SYBU: variants seen among roughly 807,000 people sequenced by gnomAD.
The protein encoded by SYBU is syntabulin, also known as GOLSYN A protein.
Under a neutral mutation model 35.9 loss-of-function variants are expected in SYBU, and 21 were observed. That is an observed-to-expected ratio of 0.58 (90% CI 0.41 to 0.84). SYBU has a LOEUF of 0.84. Among genes scored for constraint, SYBU ranks in the 40% least tolerant of loss-of-function variants. The pLI is 0.00. For missense variants in SYBU, 768 were observed against 848.2 expected, an observed-to-expected ratio of 0.91 and a Z score of 1.17; for synonymous variants, 319 against 324.3, an observed-to-expected ratio of 0.98 and a Z score of 0.18.
rs550891870 is a variant in SYBU, at chr8:109,628,737, G to A, written c.230-9698C>T. On this transcript the variant is annotated intron_variant, in intron 2 of 6. Coordinates refer to ENST00000276646, the MANE Select transcript of SYBU (RefSeq NM_001099754.2). ...TGCAGGAGCCTGAAGTGGGAGGATT[G>A]CTCACACCCAGGAGGTCAAGGCTGC... 1.1e-3 allele frequency among the ~76,000 whole-genome samples: 167 copies of A among 152,004 alleles called. 1 individual carries two copies. The highest frequency in any genetic ancestry group is 3.9e-3 in the African/African-American group (163 of 41,420).
At chr8:109,618,697 C>T (rs1239843473) in intron 3 of SYBU, 145 bp downstream of exon 3, 3 of 751,288 alleles carry the variant, frequency 4.0e-6, no homozygotes, top group Admixed American at 2.3e-5. Context: ...GTCCACTTTC[C>T]ACCCTGCCTC....
Position 109,618,877 on chromosome 8 carries a change from T to A in SYBU, c.392A>T (p.Tyr131Phe). Residue 131 changes from tyrosine to phenylalanine, a missense_variant, in exon 3 of 7, where the codon TAT (tyrosine) becomes TTT (phenylalanine). By Grantham distance (22) the Tyr-to-Phe change is conservative. Coordinates refer to ENST00000276646, the MANE Select transcript of SYBU (RefSeq NM_001099754.2). ...VGEGSIQSSRYKKESKSGLVK... is the reference protein window; with the variant it reads ...VGEGSIQSSRFKKESKSGLVK... ...AAGGCCTGACTTTGATTCCTTCTTA[T>A]ATCGAGAGGACTGAATGCTTCCTTC... 1 of 1,614,184 alleles carries A rather than the reference T, an allele frequency of 6.2e-7. No individual in the cohort carries two copies. Among genetic ancestry groups the A allele is most frequent in the Non-Finnish European group, 8.5e-7 (1 of 1,179,996 alleles).
At chr8:109,613,485 T>C (rs1400098270) in intron 3 of SYBU, among the ~76,000 whole-genome samples, 1 of 152,192 alleles carries the variant, frequency 6.6e-6, no homozygotes, top group Non-Finnish European at 1.5e-5. Flanking sequence ...TATAAAGACT[T>C]GAACCTAGTA....
At chr8:109,644,051 CAGGA>C (rs1586929561) in intron 1 of SYBU, 2 of 455,972 alleles carry the variant, frequency 4.4e-6, no homozygotes, top group East Asian at 1.4e-4. Flanking sequence ...ACCGGCTTAC[CAGGA>C]AGGGTCACGG....
intron 4 of SYBU, among the ~76,000 whole-genome samples, chr8:109,583,975 ATT>A (rs375357215): frequency 2.8e-5 from 4 of 144,580 alleles, no homozygotes; most frequent in African/African-American, 5.0e-5. Flanking sequence ...TGCCCGGCTA[ATT>A]TTTTTTTTTT....
At chr8:109,625,604 A>G (rs1232641134) in intron 2 of SYBU, among the ~76,000 whole-genome samples, 1 of 151,950 alleles carries the variant, frequency 6.6e-6, no homozygotes, top group East Asian at 1.9e-4. Context: ...AATTTTTTTT[A>G]AGGGACAGAA....
At chr8:109,620,906 T>C (rs1812333703) in intron 2 of SYBU, among the ~76,000 whole-genome samples, 1 of 152,198 alleles carries the variant, frequency 6.6e-6, no homozygotes, top group Admixed American at 6.5e-5. Context: ...CCAGCAATTT[T>C]ACAAGGCACA....
chr8:109,679,114 C>T (rs761795205), intron 1 of SYBU, among the ~76,000 whole-genome samples: 7 of 152,148 alleles, frequency 4.6e-5, no homozygotes, highest in Non-Finnish European at 8.8e-5. Context: ...TCATTATATG[C>T]TAATTATAAT....
intron 1 of SYBU, among the ~76,000 whole-genome samples, chr8:109,653,683 A>G (rs572489411): frequency 6.6e-6 from 1 of 152,192 alleles, no homozygotes; most frequent in East Asian, 1.9e-4. Flanking sequence ...TCTCCTCCAT[A>G]CTTCAAATCT....
Position 109,667,893 on chromosome 8 carries a change from C to T in SYBU, c.-129+12818G>A, listed in dbSNP as rs1253589956. 2.0e-5 allele frequency among the ~76,000 whole-genome samples: 3 copies of T among 152,090 alleles called. No individual in the cohort carries two copies. The South Asian group carries it at 6.2e-4, about 32-fold the overall frequency. ...GAACAGTTTAAGTAGAAGCATATTCCATATTTTAAAGCTTATTAGCTTATT... is the reference window on the plus strand; with the variant it reads ...GAACAGTTTAAGTAGAAGCATATTCTATATTTTAAAGCTTATTAGCTTATT... On this transcript the variant is annotated intron_variant, in intron 1 of 5. Coordinates refer to the SYBU transcript ENST00000408889.
At chr8:109,687,467 G>A (rs1047196663) in intron 1 of SYBU, among the ~76,000 whole-genome samples, 1 of 152,222 alleles carries the variant, frequency 6.6e-6, no homozygotes, top group Non-Finnish European at 1.5e-5. Flanking sequence ...CTGAGCATGG[G>A]ATTCCAAGAT....
intron 1 of SYBU, among the ~76,000 whole-genome samples, chr8:109,688,362 C>T (rs910612959): frequency 1.3e-5 from 2 of 152,144 alleles, no homozygotes; most frequent in Admixed American, 1.3e-4. Flanking sequence ...CAAAACATTT[C>T]TTTTGTCAGA....
chr8:109,606,313 T>C (rs1382627965), intron 3 of SYBU, among the ~76,000 whole-genome samples: 1 of 152,194 alleles, frequency 6.6e-6, no homozygotes, highest in Non-Finnish European at 1.5e-5. Flanking sequence ...CACAATACAA[T>C]AGAAGTTAAT....
At chr8:109,683,578 G>A (rs186302731), upstream of SYBU, among the ~76,000 whole-genome samples, 289 of 152,204 alleles carry the variant, frequency 1.9e-3, 1 homozygote, top group Non-Finnish European at 1.8e-3. Flanking sequence ...ATGAGACTTT[G>A]GACTTGGACT....
intron 3 of SYBU, among the ~76,000 whole-genome samples, chr8:109,600,546 C>G (rs1825404095): frequency 6.6e-6 from 1 of 152,138 alleles, no homozygotes; most frequent in South Asian, 2.1e-4. Context: ...ACCAAAAGAA[C>G]TTACATATAT....
intron 1 of SYBU, among the ~76,000 whole-genome samples, chr8:109,687,256 T>G (rs964413063): frequency 6.6e-6 from 1 of 152,234 alleles, no homozygotes; most frequent in Non-Finnish European, 1.5e-5. Flanking sequence ...AACTTTCTAG[T>G]GACTCGTTTG....
chr8:109,585,936 CAA>C, intron 4 of SYBU, 122 bp downstream of exon 4: 1 of 692,714 alleles, frequency 1.4e-6, no homozygotes, highest in Admixed American at 3.0e-5. Flanking sequence ...AAAAACAAAA[CAA>C]AAAGCCTCAC....
At chr8:109,669,446 T>C (rs1301846731) in intron 1 of SYBU, among the ~76,000 whole-genome samples, 1 of 151,688 alleles carries the variant, frequency 6.6e-6, no homozygotes, top group African/African-American at 2.4e-5. Flanking sequence ...AGATTACATG[T>C]ATGAGGTATT....
chr8:109,677,297 A>C (rs1355641163), intron 1 of SYBU, among the ~76,000 whole-genome samples: 2 of 152,202 alleles, frequency 1.3e-5, no homozygotes, highest in Non-Finnish European at 2.9e-5. Context: ...TTTGAAATGC[A>C]TTCTGTGGTA....
Sources: allele counts gnomAD v4.1 joint callset (sites outside exome capture counted in the v4.1 genomes callset), GRCh38; gene constraint gnomAD v4.1.1; transcripts MANE v1.5; gene names NCBI Gene and HGNC (gene_info 2026-07-23, HGNC 2026-07-21).